Variants in LGALS3BP observed in about 807,000 individuals in gnomAD.
The protein encoded by LGALS3BP is galectin 3 binding protein.
LGALS3BP carries 25 observed loss-of-function variants against 22.9 expected under a neutral mutation model. The observed-to-expected ratio is 1.09, with a 90% CI of 0.80 to 1.53. The LOEUF (loss-of-function observed/expected upper bound fraction) is 1.53, where lower values mean the gene tolerates loss of function less well. Ranked by LOEUF, LGALS3BP falls within the 40% of genes most tolerant of loss-of-function variation. The probability of loss-of-function intolerance (pLI) is 0.00; values close to 1 mark genes in which losing one functional copy is unlikely to be tolerated. For synonymous variants in LGALS3BP, 335 were observed against 331.1 expected (o/e 1.01, Z -0.13); for missense variants, 718 against 752.0 (o/e 0.95, Z 0.53).
chr17:78,979,094 C>T (rs2145826518), intron 1 of LGALS3BP, among the ~76,000 whole-genome samples: 1 of 151,718 alleles, frequency 6.6e-6, no homozygotes, highest in African/African-American at 2.4e-5. Context: ...CAACGAAGCA[C>T]CTGGCAGGTG....
In LGALS3BP at chr17:78,977,199, C is replaced by T; in HGVS notation, c.-8G>A. The T allele has an allele frequency of 6.2e-7, 1 of 1,612,420 alleles. No homozygotes were observed. The highest frequency in any genetic ancestry group is 8.5e-7 in the Non-Finnish European group (1 of 1,179,824). On this transcript the variant is annotated 5_prime_UTR_variant, in exon 2 of 6. Coordinates refer to ENST00000262776, the MANE Select transcript of LGALS3BP (RefSeq NM_005567.4). ...GAGCCTCGGAGGGGTCATGGCCGTG[C>T]CTGGATGCCCAGATCCTGCAGCAGA...
In LGALS3BP at chr17:78,972,216, A is replaced by C. The variant is rs2070678537; in HGVS notation, c.1118T>G (p.Phe373Cys). 6.2e-7 allele frequency: 1 copy of C among 1,613,756 alleles called. No homozygotes were observed. The highest frequency in any genetic ancestry group is 1.7e-5 in the Admixed American group (1 of 59,994). The change falls in exon 6 of 6, where the codon TTC becomes TGC. Residue 373 changes from phenylalanine (F) to cysteine (C), a missense_variant. Coordinates refer to ENST00000262776, the MANE Select transcript of LGALS3BP (RefSeq NM_005567.4). The surrounding 1 kb of genome is among the most constrained non-coding windows in gnomAD (Gnocchi z 5.1). ...LSLYWSHEAL[F>C]QKKTLQALEF... ...CAGGGCCTGCAGAGTCTTCTTCTGG[A>C]ACAGGGCCTCGTGGCTCCAGTACAG...
rs371295281 is a variant in LGALS3BP, at chr17:78,972,442, T to C, written c.892A>G (p.Ser298Gly). 42 of 1,613,398 alleles carry C rather than the reference T, an allele frequency of 2.6e-5. No homozygotes were observed. The highest frequency in any genetic ancestry group is 3.4e-5 in the Non-Finnish European group (40 of 1,179,976). Residue 298 changes from serine to glycine, a missense_variant, in exon 6 of 6, where the codon AGT (serine) becomes GGT (glycine). By Grantham distance (56) the Ser-to-Gly change is moderately conservative. Coordinates refer to ENST00000262776, the MANE Select transcript of LGALS3BP (RefSeq NM_005567.4). The surrounding 1 kb of genome is among the most constrained non-coding windows in gnomAD (Gnocchi z 5.1). ...AGTTGGAGCAGGTCTGTGGGGACAC[T>C]GGGCCAGGCCTCGGCCTGCGTCAAG... is the stretch of plus-strand genomic sequence containing the variant. ...EALTQAEAWP[S>G]VPTDLLQLLL...
rs2070728612 is a variant in LGALS3BP, at chr17:78,977,229, AGCGGAG to A, written c.-23-21_-23-16del. On this transcript the variant is annotated splice_polypyrimidine_tract_variant and intron_variant, in intron 1 of 5. Transcript: ENST00000262776. ...ATGCCCAGATCCTGCAGCAGACAGA[AGCGGAG>A]GGGTGAGGCACGGGAGCCAGATGGC... The A allele has an allele frequency of 6.2e-7, 1 of 1,606,934 alleles. No homozygotes were observed. Among genetic ancestry groups the A allele is most frequent in the African/African-American group, 1.3e-5 (1 of 74,846 alleles).
Position 78,976,174 on chromosome 17 carries a change from C to G in LGALS3BP, c.53-18G>C. 1.9e-6 allele frequency: 3 copies of G among 1,542,952 alleles called. No homozygotes were observed. The highest frequency in any genetic ancestry group is 1.4e-5 in the African/African-American group (1 of 73,308). ...GTTCACGCCTGCAGGCAGAGACCAG[C>G]GAGGGCGAGGCTGGGGCCTGCAGCA... On this transcript the variant is annotated intron_variant, in intron 2 of 5. Coordinates refer to ENST00000262776, the MANE Select transcript of LGALS3BP (RefSeq NM_005567.4). This position sits in a 1 kb window ranked among gnomAD's most constrained non-coding sequence, Gnocchi z 4.6.
In LGALS3BP at chr17:78,977,137, C is replaced by G; in HGVS notation, c.52+3G>C. The G allele has an allele frequency of 6.2e-7, 1 of 1,613,264 alleles. No homozygotes were observed. On this transcript the variant is annotated splice_donor_region_variant and intron_variant, in intron 2 of 5. Coordinates refer to ENST00000262776, the MANE Select transcript of LGALS3BP (RefSeq NM_005567.4). Reference sequence around the variant, plus strand: ...TTTGGTATTTCCCAGGGGCTCAGCTCACCTTGGGTTCCTGCAACCAGCAGC... The same window carrying G: ...TTTGGTATTTCCCAGGGGCTCAGCTGACCTTGGGTTCCTGCAACCAGCAGC...
chr17:78,972,916 G>T lies in LGALS3BP; in HGVS notation c.629+54C>A. Reference sequence around the variant, plus strand: ...TGTGGGGGGCTGTGCTTTTGAAGAGGGGAGGAGGACAAAGCCCCTGGCGGC... The same window carrying T: ...TGTGGGGGGCTGTGCTTTTGAAGAGTGGAGGAGGACAAAGCCCCTGGCGGC... On this transcript the variant is annotated intron_variant, in intron 5 of 5. Transcript: ENST00000262776. This position sits in a 1 kb window ranked among gnomAD's most constrained non-coding sequence, Gnocchi z 5.1. The T allele has an allele frequency of 6.4e-7, 1 of 1,558,954 alleles. No individual in the cohort carries two copies.
Position 78,972,939 on chromosome 17 carries a change from G to T in LGALS3BP, c.629+31C>A. Reference sequence around the variant, plus strand: ...AGGGGAGGAGGACAAAGCCCCTGGCGGCCCCAGAGCCTGAGGACGAGACGG... The same window carrying T: ...AGGGGAGGAGGACAAAGCCCCTGGCTGCCCCAGAGCCTGAGGACGAGACGG... On this transcript the variant is annotated intron_variant, in intron 5 of 5. Transcript: ENST00000262776. The surrounding 1 kb of genome is among the most constrained non-coding windows in gnomAD (Gnocchi z 5.1). The T allele has an allele frequency of 6.3e-7, 1 of 1,579,456 alleles. No homozygotes were observed. The highest frequency in any genetic ancestry group is 8.6e-7 in the Non-Finnish European group (1 of 1,159,790).
chr17:78,979,576 C>T (rs894763990), intron 1 of LGALS3BP: 1 of 152,284 alleles, frequency 6.6e-6, no homozygotes, highest in Non-Finnish European at 1.5e-5. Context: ...GATGGCGAAA[C>T]CCTGTCTCTA....
At chr17:78,974,912 G>A (rs1249838762) in intron 3 of LGALS3BP, 93 bp from the exon 4 acceptor site, 23 of 1,507,928 alleles carry the variant, frequency 1.5e-5, no homozygotes, top group African/African-American at 4.1e-5. Flanking sequence ...CGCCCCGGCC[G>A]TGTGGGTCCA....
chr17:78,977,070 T>C, intron 2 of LGALS3BP, 70 bp downstream of exon 2: 1 of 1,539,626 alleles, frequency 6.5e-7, no homozygotes, highest in South Asian at 1.1e-5. Context: ...TCCTTGAAGC[T>C]CTGAGCAGCC....
At chr17:78,974,545 C>T in intron 4 of LGALS3BP, 143 bp downstream of exon 4, 1 of 936,956 alleles carries the variant, frequency 1.1e-6, no homozygotes, top group Non-Finnish European at 1.6e-6. Flanking sequence ...GACGTCTGGG[C>T]CTCTCCATGC....
chr17:78,973,212 G>C lies in LGALS3BP; in HGVS notation c.387C>G (p.Ser129Arg), dbSNP rs75115405. The C allele has an allele frequency of 9.1e-6, 14 of 1,544,592 alleles. No individual in the cohort carries two copies. In the African/African-American group the frequency reaches 1.9e-4, roughly 21 times the overall value. ...CCCTGGAGAGGTCCAGGGTGTGGGT[G>C]CTCCTGGTTTCTAAGAAGGGGCGGG... ...AGVVCTNETR[S>R]THTLDLSREL... Residue 129 changes from serine (S) to arginine (R), a missense_variant, in exon 5 of 6, where the codon AGC (serine) becomes AGG (arginine). Physicochemically the swap from Ser to Arg is moderately radical, Grantham distance 110. Coordinates refer to ENST00000262776, the MANE Select transcript of LGALS3BP (RefSeq NM_005567.4). This position sits in a 1 kb window ranked among gnomAD's most constrained non-coding sequence, Gnocchi z 5.8.
chr17:78,976,057 T>C lies in LGALS3BP; in HGVS notation c.152A>G (p.Asn51Ser). Reference protein sequence around the residue: ...YRGQWGTVCDNLWDLTDASVV... With the variant: ...YRGQWGTVCDSLWDLTDASVV... The stretch of plus-strand genomic sequence containing the variant: ...GCTGGCATCAGTCAGGTCCCACAGG[T>C]TGTCACACACAGTGCCCCACTGGCC... The change falls in exon 3 of 6, where the codon AAC becomes AGC. Residue 51 changes from asparagine (N) to serine (S), a missense_variant. Coordinates refer to ENST00000262776, the MANE Select transcript of LGALS3BP (RefSeq NM_005567.4). This position sits in a 1 kb window ranked among gnomAD's most constrained non-coding sequence, Gnocchi z 4.6. The C allele has an allele frequency of 6.2e-7, 1 of 1,612,528 alleles. No individual in the cohort carries two copies.
chr17:78,976,040 C>G lies in LGALS3BP; in HGVS notation c.169G>C (p.Asp57His). 1.2e-6 allele frequency: 2 copies of G among 1,612,784 alleles called. No individual in the cohort carries two copies. The highest frequency in any genetic ancestry group is 1.7e-6 in the Non-Finnish European group (2 of 1,179,838). The part of the protein sequence containing the change: ...TVCDNLWDLT[D>H]ASVVCRALGF... ...AGGGCCCGGCAGACGACGCTGGCAT[C>G]AGTCAGGTCCCACAGGTTGTCACAC... The change falls in exon 3 of 6, where the codon GAT (aspartate) becomes CAT (histidine). Residue 57 changes from aspartate (D) to histidine (H), a missense_variant. By Grantham distance (81) the Asp-to-His change is moderately conservative. Coordinates refer to ENST00000262776, the MANE Select transcript of LGALS3BP (RefSeq NM_005567.4). This position sits in a 1 kb window ranked among gnomAD's most constrained non-coding sequence, Gnocchi z 4.6.
rs1267906347 is a variant in LGALS3BP, at chr17:78,972,197, C to CT, written c.1136dup (p.Ala380GlyfsTer66). 2 of 1,613,900 alleles carry CT rather than the reference C, an allele frequency of 1.2e-6. No homozygotes were observed. Among genetic ancestry groups the CT allele is most frequent in the Non-Finnish European group, 1.7e-6 (2 of 1,180,034 alleles). On this transcript the variant is annotated frameshift_variant, in exon 6 of 6. Coordinates refer to ENST00000262776, the MANE Select transcript of LGALS3BP (RefSeq NM_005567.4). LOFTEE classifies it low-confidence loss of function (END_TRUNC). This position sits in a 1 kb window ranked among gnomAD's most constrained non-coding sequence, Gnocchi z 5.1. ...AGGGCACAGTGTGGAATTCCAGGGC[C>CT]TGCAGAGTCTTCTTCTGGAACAGGG...
Position 78,972,001 on chromosome 17 carries a change from CAGA to C in LGALS3BP, c.1330_1332del (p.Ser444del). ...TAGTCAGAGGGGGCTTGGAAGTAAT[CAGA>C]AGAATATTTGACCAAAGGCCCCCGT... On this transcript the variant is annotated inframe_deletion, in exon 6 of 6. Transcript: ENST00000262776. The surrounding 1 kb of genome is among the most constrained non-coding windows in gnomAD (Gnocchi z 5.1). The C allele has an allele frequency of 1.9e-6, 3 of 1,614,044 alleles. No homozygotes were observed. Among genetic ancestry groups the C allele is most frequent in the Non-Finnish European group, 2.5e-6 (3 of 1,179,998 alleles).
chr17:78,973,607 G>A lies in LGALS3BP; in HGVS notation c.377-385C>T, dbSNP rs1357797247. ...CACCAAAACCACTGCCTGCTTAGAT[G>A]GCCTGAAAAGTTAGGGTCCTGTGGC... On this transcript the variant is annotated intron_variant, in intron 4 of 5. Transcript: ENST00000262776. The surrounding 1 kb of genome is among the most constrained non-coding windows in gnomAD (Gnocchi z 5.8). 2.0e-5 allele frequency among the ~76,000 whole-genome samples: 3 copies of A among 152,132 alleles called. No individual in the cohort carries two copies. The highest frequency in any genetic ancestry group is 4.4e-5 in the Non-Finnish European group (3 of 68,026).
Position 78,976,255 on chromosome 17 carries a change from T to C in LGALS3BP, c.53-99A>G. On this transcript the variant is annotated intron_variant, in intron 2 of 5. Transcript: ENST00000262776. This position sits in a 1 kb window ranked among gnomAD's most constrained non-coding sequence, Gnocchi z 4.6. The stretch of plus-strand genomic sequence containing the variant: ...CTGTCCTGGGTCTCCCCTGCTGAGC[T>C]TGTATTTCAGGGCTTCAAGGTCCCC... 8.8e-7 allele frequency: 1 copy of C among 1,133,318 alleles called. No homozygotes were observed. 70.2% of individuals were successfully genotyped at this position (1,133,318 alleles called of 1,614,324 possible).
Sources: gnomAD v4.1 joint callset for allele counts (sites outside exome capture counted in the v4.1 genomes callset) on GRCh38, gnomAD v4.1.1 for gene constraint, Gnocchi (gnomAD v3.1) non-coding constraint, MANE v1.5 for transcripts, NCBI Gene and HGNC (gene_info 2026-07-23, HGNC 2026-07-21) for gene names.